STXBP6: variants seen among roughly 807,000 people sequenced by gnomAD.
STXBP6 encodes syntaxin-binding protein 6.
Under a neutral mutation model 26.9 loss-of-function variants are expected in STXBP6, and 21 were observed. The ratio of observed to expected loss-of-function variants is 0.78; its 90% confidence interval spans 0.55 to 1.12. The LOEUF is 1.12. Ranked by LOEUF, STXBP6 falls within the 50% of genes most tolerant of loss-of-function variation. The pLI is 0.00. For missense variants in STXBP6, 232 were observed against 257.9 expected, an observed-to-expected ratio of 0.90 and a Z score of 0.69; for synonymous variants, 97 against 92.6, an observed-to-expected ratio of 1.05 and a Z score of -0.27.
chr14:24,975,196 A>C (rs1356373635), intron 1 of STXBP6, among the ~76,000 whole-genome samples: 1 of 152,180 alleles, frequency 6.6e-6, no homozygotes, highest in Non-Finnish European at 1.5e-5. Context: ...GTTCTGTAAG[A>C]AACATATTTC....
chr14:24,937,228 G>A (rs1345622530), intron 2 of STXBP6, among the ~76,000 whole-genome samples: 1 of 152,150 alleles, frequency 6.6e-6, no homozygotes, highest in Admixed American at 6.5e-5. Context: ...CATGGCACAT[G>A]TATACCCATG....
rs774858863 is a variant in STXBP6 at position 24,957,503 on chromosome 14, C to T, written c.154+17162G>A. 2.7e-4 allele frequency among the ~76,000 whole-genome samples: 41 copies of T among 152,192 alleles called. 1 individual carries two copies. Among genetic ancestry groups the T allele is most frequent in the Non-Finnish European group, 5.9e-5 (4 of 68,028 alleles). On this transcript the variant is annotated intron_variant, in intron 2 of 5. Coordinates refer to ENST00000323944, the MANE Select transcript of STXBP6 (RefSeq NM_001394410.1). ...TGTGCAAAGTCACCAGCTGCCTTCT[C>T]GCCTTTTCTAGTTCCATCTCTGGCA...
chr14:24,970,139 G>C (rs892796510), intron 2 of STXBP6, among the ~76,000 whole-genome samples: 1 of 152,038 alleles, frequency 6.6e-6, no homozygotes, highest in Admixed American at 6.5e-5. Flanking sequence ...TACTCAGGAG[G>C]CTGGGGCAGG....
chr14:24,863,163 C>T (rs145985099), intron 2 of STXBP6, among the ~76,000 whole-genome samples: 413 of 152,190 alleles, frequency 2.7e-3, no homozygotes, highest in African/African-American at 9.6e-3. Flanking sequence ...AAATCAGGAA[C>T]CTTAACCCCT....
intron 2 of STXBP6, among the ~76,000 whole-genome samples, chr14:24,883,667 T>C (rs1449543437): frequency 3.7e-5 from 2 of 53,384 alleles, no homozygotes; most frequent in African/African-American, 1.5e-4. Flanking sequence ...AGATATTCTA[T>C]TTATTACAAA....
chr14:24,946,774 G>A (rs1011074504), intron 2 of STXBP6, among the ~76,000 whole-genome samples: 1 of 152,184 alleles, frequency 6.6e-6, no homozygotes, highest in Non-Finnish European at 1.5e-5. Context: ...CGACACAAAA[G>A]CATTGTTGGT....
chr14:25,006,377 T>C (rs1170628436), intron 1 of STXBP6, among the ~76,000 whole-genome samples: 1 of 152,226 alleles, frequency 6.6e-6, no homozygotes, highest in Non-Finnish European at 1.5e-5. Context: ...CTTCCAAGCT[T>C]TCTCTTGCTC....
chr14:25,045,167 T>C (rs1450303207), intron 1 of STXBP6, among the ~76,000 whole-genome samples: 1 of 152,158 alleles, frequency 6.6e-6, no homozygotes, highest in Non-Finnish European at 1.5e-5. Flanking sequence ...AAAAGATACA[T>C]ATATAACCTC....
At chr14:24,877,411 C>A (rs2070185305) in intron 2 of STXBP6, among the ~76,000 whole-genome samples, 1 of 152,184 alleles carries the variant, frequency 6.6e-6, no homozygotes, top group Non-Finnish European at 1.5e-5. Flanking sequence ...CTTCCCCTGC[C>A]TTCCTGTATA....
intron 2 of STXBP6, among the ~76,000 whole-genome samples, chr14:24,895,567 T>C (rs2070958277): frequency 6.6e-6 from 1 of 152,312 alleles, no homozygotes; most frequent in Middle Eastern, 3.4e-3. Flanking sequence ...TGCTTTCTAG[T>C]AGAGGTCCAG....
At chr14:24,841,298 T>C (rs1156693936) in intron 4 of STXBP6, among the ~76,000 whole-genome samples, 2 of 152,238 alleles carry the variant, frequency 1.3e-5, no homozygotes, top group African/African-American at 4.8e-5. Flanking sequence ...GCATCTCTTG[T>C]TGCTGGGAAC....
intron 2 of STXBP6, among the ~76,000 whole-genome samples, chr14:24,909,190 C>G (rs937959834): frequency 3.9e-5 from 6 of 152,216 alleles, no homozygotes; most frequent in Non-Finnish European, 8.8e-5. Flanking sequence ...AAAGGTGCTA[C>G]ACATTGGCAC....
At chr14:24,880,224 C>T (rs768133633) in intron 2 of STXBP6, among the ~76,000 whole-genome samples, 14 of 152,108 alleles carry the variant, frequency 9.2e-5, no homozygotes, top group South Asian at 2.1e-4. Context: ...GGGAAACCAG[C>T]GGAAAGTTTC....
chr14:25,019,605 A>G (rs761342957), intron 1 of STXBP6, among the ~76,000 whole-genome samples: 2 of 152,192 alleles, frequency 1.3e-5, no homozygotes, highest in African/African-American at 2.4e-5. Context: ...TCCACAGCAG[A>G]TATCTTGAGT....
intron 1 of STXBP6, among the ~76,000 whole-genome samples, chr14:25,021,275 T>A (rs978764325): frequency 6.6e-6 from 1 of 152,130 alleles, no homozygotes; most frequent in Admixed American, 6.6e-5. Flanking sequence ...TTCCACTCCA[T>A]CCTACCTTTT....
At chr14:24,879,029 T>G (rs2070253929) in intron 2 of STXBP6, among the ~76,000 whole-genome samples, 1 of 151,774 alleles carries the variant, frequency 6.6e-6, no homozygotes, top group African/African-American at 2.4e-5. Flanking sequence ...GCCTATAAAA[T>G]GATAAAAAAT....
At chr14:24,972,760 C>T (rs1393991935) in intron 2 of STXBP6, among the ~76,000 whole-genome samples, 1 of 152,136 alleles carries the variant, frequency 6.6e-6, no homozygotes, top group African/African-American at 2.4e-5. Flanking sequence ...AATCCCAGCA[C>T]TTTTGGAGGC....
chr14:24,955,971 T>A (rs2073330367), intron 2 of STXBP6, among the ~76,000 whole-genome samples: 1 of 152,138 alleles, frequency 6.6e-6, no homozygotes, highest in Non-Finnish European at 1.5e-5. Context: ...ACACAGCTGG[T>A]GTCGGTGTAA....
intron 2 of STXBP6, among the ~76,000 whole-genome samples, chr14:24,918,702 T>C (rs572982833): frequency 6.6e-6 from 1 of 152,178 alleles, no homozygotes; most frequent in South Asian, 2.1e-4. Context: ...TCTCCCTTAT[T>C]ACGGCAGTTT....
Sources: allele counts gnomAD v4.1 joint callset (sites outside exome capture counted in the v4.1 genomes callset), GRCh38; gene constraint gnomAD v4.1.1; transcripts MANE v1.5; gene names NCBI Gene and HGNC (gene_info 2026-07-23, HGNC 2026-07-21).